Variants in FAH observed in about 807,000 individuals in gnomAD.
FAH encodes the protein fumarylacetoacetate hydrolase, also known as fumarylacetoacetase.
Under a neutral mutation model 55.8 loss-of-function variants are expected in FAH, and 47 were observed. The observed-to-expected ratio is 0.84, with a 90% confidence interval of 0.67 to 1.07. FAH has a LOEUF of 1.07. Among genes scored for constraint, FAH ranks in the 50% least tolerant of loss-of-function variants. The pLI, the probability that FAH is intolerant of heterozygous loss-of-function variation, is 0.00. For missense variants in FAH, 495 were observed against 545.9 expected (o/e 0.91, Z 0.93); for synonymous variants, 199 against 207.7 (o/e 0.96, Z 0.36).
chr15:80,154,902 G>T (rs542627849), intron 1 of FAH, among the ~76,000 whole-genome samples: 2 of 152,252 alleles, frequency 1.3e-5, no homozygotes, highest in Admixed American at 6.5e-5. Context: ...GTAGTAGTGT[G>T]GAGCTGGTTT....
chr15:80,155,728 G>T (rs1454972462), intron 1 of FAH, among the ~76,000 whole-genome samples: 1 of 152,148 alleles, frequency 6.6e-6, no homozygotes, highest in African/African-American at 2.4e-5. Flanking sequence ...GGGGGGCAGG[G>T]TAGGGAGGGT....
chr15:80,172,031 C>T (rs2041245179), intron 7 of FAH, 118 bp from the exon 8 acceptor site: 2 of 797,718 alleles, frequency 2.5e-6, no homozygotes, highest in African/African-American at 3.4e-5. Flanking sequence ...TGCCAGGCCC[C>T]TGTGGCAGTC....
Position 80,168,319 on chromosome 15 carries a change from A to G in FAH, c.606+3A>G. 6.2e-7 allele frequency: 1 copy of G among 1,611,620 alleles called. No homozygotes were observed. Among genetic ancestry groups the G allele is most frequent in the Non-Finnish European group, 8.5e-7 (1 of 1,179,844 alleles). On this transcript the variant is annotated splice_donor_region_variant and intron_variant, in intron 7 of 13. Coordinates refer to ENST00000561421, the MANE Select transcript of FAH (RefSeq NM_000137.4). ...TCTTGGACATGGAGCTGGAAATGGT[A>G]AGTGAGCTTGATGTTTTATTGCCAT...
At chr15:80,153,237 A>T (rs2041069192) in intron 1 of FAH, 102 bp downstream of exon 1, 10 of 926,124 alleles carry the variant, frequency 1.1e-5, no homozygotes, top group Non-Finnish European at 1.7e-5. Flanking sequence ...GAGGGGCGGG[A>T]TGGAGGCTTG....
chr15:80,168,042 C>G lies in FAH; in HGVS notation c.456-10C>G. ...CTGATGCCCTGCATTCTCTTGCCTT[C>G]CTTTCTCAGGCTGCACTTACCAGTG... On this transcript the variant is annotated splice_polypyrimidine_tract_variant and intron_variant, in intron 5 of 13. Transcript: ENST00000561421. 2 of 1,611,580 alleles carry G rather than the reference C, an allele frequency of 1.2e-6. No homozygotes were observed. Among genetic ancestry groups the G allele is most frequent in the Non-Finnish European group, 1.7e-6 (2 of 1,177,786 alleles).
chr15:80,156,433 T>G (rs1244458863), intron 1 of FAH: 2 of 152,324 alleles, frequency 1.3e-5, no homozygotes, highest in African/African-American at 4.8e-5. Context: ...GCCTTCAGTC[T>G]CTTGCCTCGG....
intron 5 of FAH, chr15:80,163,834 T>A (rs770328583): frequency 3.3e-5 from 5 of 152,182 alleles, no homozygotes; most frequent in Non-Finnish European, 5.9e-5. Flanking sequence ...TTAGCAGAGT[T>A]TCTAGTGGCC....
intron 5 of FAH, 197 bp downstream of exon 5, chr15:80,162,533 C>T (rs375059217): frequency 1.0e-4 from 67 of 642,460 alleles, no homozygotes; most frequent in Non-Finnish European, 1.6e-4. Context: ...GCTGTGGGAT[C>T]GAAGGGCAAG....
chr15:80,153,717 AAG>A (rs1429646947), intron 1 of FAH, among the ~76,000 whole-genome samples: 2 of 151,758 alleles, frequency 1.3e-5, no homozygotes. Flanking sequence ...GATCAGAAGA[AAG>A]AGGGCAGGGA....
At chr15:80,153,467 A>G (rs973538203) in intron 1 of FAH, among the ~76,000 whole-genome samples, 5 of 152,128 alleles carry the variant, frequency 3.3e-5, no homozygotes, top group Non-Finnish European at 4.4e-5. Context: ...CATGCTGCCT[A>G]CTCCGAGGTG....
At chr15:80,160,548 G>C in intron 4 of FAH, 89 bp downstream of exon 4, 1 of 1,243,346 alleles carries the variant, frequency 8.0e-7, no homozygotes, top group Admixed American at 1.7e-5. Context: ...CATCTGTGTG[G>C]AGGGTCCCTG....
At chr15:80,183,802 TG>T (rs2041349402) in intron 13 of FAH, among the ~76,000 whole-genome samples, 1 of 152,334 alleles carries the variant, frequency 6.6e-6, no homozygotes, top group East Asian at 1.9e-4. Flanking sequence ...CTACTCTTAC[TG>T]TCTCTATTTT....
intron 1 of FAH, among the ~76,000 whole-genome samples, chr15:80,155,569 C>T (rs28561542): frequency 0.49 from 74,258 of 151,760 alleles, 18,661 homozygotes; most frequent in East Asian, 0.76. Flanking sequence ...TCCCTGTGTG[C>T]GGAAACGAGA....
chr15:80,167,165 C>A (rs2041199020), intron 5 of FAH: 1 of 151,944 alleles, frequency 6.6e-6, no homozygotes, highest in South Asian at 2.1e-4. Flanking sequence ...TATCCATTTC[C>A]TGGGGCTGCT....
chr15:80,180,193 G>C lies in FAH; in HGVS notation c.1030G>C (p.Asp344His). The C allele has an allele frequency of 6.2e-7, 1 of 1,609,290 alleles. No individual in the cohort carries two copies. Among genetic ancestry groups the C allele is most frequent in the Non-Finnish European group, 8.5e-7 (1 of 1,179,956 alleles). ...SVNGCNLRPGDLLASGTISGP... is the reference protein window; with the variant it reads ...SVNGCNLRPGHLLASGTISGP... The stretch of plus-strand genomic sequence containing the variant: ...CAACGGCTGCAACCTGCGGCCGGGG[G>C]ACCTCCTGGCTTCTGGGACCATCAG... The change falls in exon 12 of 14, where the codon GAC becomes CAC. Residue 344 changes from aspartate to histidine, a missense_variant. Asp to His is a moderately conservative substitution (Grantham distance 81). Transcript: ENST00000561421.
intron 10 of FAH, among the ~76,000 whole-genome samples, chr15:80,176,063 G>A (rs1434676571): frequency 3.3e-5 from 5 of 151,614 alleles, no homozygotes; most frequent in African/African-American, 9.7e-5. Context: ...TCTTGCCCAG[G>A]CTGGAGTGCA....
At chr15:80,158,915 G>A (rs1346469617) in intron 2 of FAH, among the ~76,000 whole-genome samples, 1 of 152,088 alleles carries the variant, frequency 6.6e-6, no homozygotes, top group Non-Finnish European at 1.5e-5. Flanking sequence ...GGCTTTTTCT[G>A]CTATGCTTCA....
chr15:80,184,254 G>T (rs563506960), intron 13 of FAH, among the ~76,000 whole-genome samples: 32 of 151,780 alleles, frequency 2.1e-4, no homozygotes, highest in Non-Finnish European at 4.0e-4. Flanking sequence ...ATTCTTTCTT[G>T]GTATCTGACA....
At chr15:80,166,496 C>A (rs981808173) in intron 5 of FAH, 1 of 151,824 alleles carries the variant, frequency 6.6e-6, no homozygotes, top group African/African-American at 2.4e-5. Context: ...ACAGTCATTT[C>A]TCTATTATTA....
Sources: allele counts gnomAD v4.1 joint callset (sites outside exome capture counted in the v4.1 genomes callset), GRCh38; gene constraint gnomAD v4.1.1; transcripts MANE v1.5; gene names NCBI Gene and HGNC (gene_info 2026-07-23, HGNC 2026-07-21).